The following DOCK7 variants were observed in gnomAD, a reference collection of about 807,000 sequenced individuals.
The protein encoded by DOCK7 is dedicator of cytokinesis 7, also known as dedicator of cytokinesis protein 7.
In DOCK7, 138 loss-of-function variants were observed where a neutral mutation model predicts 271.0. That is an observed-to-expected ratio of 0.51 (90% CI 0.44 to 0.59). The LOEUF (loss-of-function observed/expected upper bound fraction) is 0.59, where lower values mean the gene tolerates loss of function less well. Among genes scored for constraint, DOCK7 ranks in the 20% least tolerant of loss-of-function variants. The pLI is 0.00. For synonymous variants in DOCK7, 823 were observed against 876.1 expected, an observed-to-expected ratio of 0.94 and a Z score of 1.07; for missense variants, 2,066 against 2,592.4, an observed-to-expected ratio of 0.80 and a Z score of 4.41.
At chr1:62,613,351 G>C (rs1281601017) in intron 14 of DOCK7, among the ~76,000 whole-genome samples, 2 of 152,102 alleles carry the variant, frequency 1.3e-5, no homozygotes, top group Non-Finnish European at 2.9e-5. Flanking sequence ...CCCCTGTAGA[G>C]AATTTGAAAA....
chr1:62,666,407 C>T (rs1441171517), intron 1 of DOCK7, among the ~76,000 whole-genome samples: 1 of 152,076 alleles, frequency 6.6e-6, no homozygotes, highest in Non-Finnish European at 1.5e-5. Flanking sequence ...TTCTACATGA[C>T]ATTAATTTCC....
At chr1:62,645,856 T>C (rs1259950219) in intron 7 of DOCK7, among the ~76,000 whole-genome samples, 1 of 152,056 alleles carries the variant, frequency 6.6e-6, no homozygotes, top group Non-Finnish European at 1.5e-5. Context: ...TACAAAAAAA[T>C]AAACTACTCG....
chr1:62,583,270 G>A lies in DOCK7; in HGVS notation c.1801-16C>T. 1 of 1,605,048 alleles carries A rather than the reference G, an allele frequency of 6.2e-7. No homozygotes were observed. Among genetic ancestry groups the A allele is most frequent in the South Asian group, 1.1e-5 (1 of 90,728 alleles). Reference sequence around the variant, plus strand: ...CAAAGATTACCTGAAACAAATAACAGCATGTTGAAACTTTGTTGTAGTAAA... The same window carrying A: ...CAAAGATTACCTGAAACAAATAACAACATGTTGAAACTTTGTTGTAGTAAA... On this transcript the variant is annotated splice_polypyrimidine_tract_variant and intron_variant, in intron 15 of 49. Coordinates refer to ENST00000635253, the MANE Select transcript of DOCK7 (RefSeq NM_001367561.1).
intron 41 of DOCK7, among the ~76,000 whole-genome samples, chr1:62,491,559 C>A (rs1273779387): frequency 1.3e-5 from 2 of 152,194 alleles, no homozygotes; most frequent in Admixed American, 6.5e-5. Flanking sequence ...ACAGCATAGT[C>A]AGGTAAAGGA....
chr1:62,494,667 G>C (rs552633897), intron 39 of DOCK7, 200 bp from the exon 40 acceptor site: 20 of 383,130 alleles, frequency 5.2e-5, no homozygotes, highest in African/African-American at 3.8e-4. Flanking sequence ...CAGTTGGTGG[G>C]GGGGGCAGGA....
chr1:62,654,848 G>C (rs1557865809), intron 2 of DOCK7, among the ~76,000 whole-genome samples: 1 of 152,134 alleles, frequency 6.6e-6, no homozygotes, highest in Non-Finnish European at 1.5e-5. Flanking sequence ...GAAAAAGAGA[G>C]AGATTTGAAT....
intron 31 of DOCK7, among the ~76,000 whole-genome samples, chr1:62,521,999 AAAAT>A (rs1439650951): frequency 6.6e-6 from 1 of 152,036 alleles, no homozygotes; most frequent in Non-Finnish European, 1.5e-5. Flanking sequence ...AAATAAAATA[AAAAT>A]AAATAAATAC....
chr1:62,485,117 CAG>C, intron 43 of DOCK7: 1 of 977,874 alleles, frequency 1.0e-6, no homozygotes, highest in Non-Finnish European at 1.2e-6. Context: ...GTCTGAATTA[CAG>C]AGTGAGACCC....
chr1:62,560,846 T>C (rs1646299445), intron 19 of DOCK7, among the ~76,000 whole-genome samples: 1 of 152,224 alleles, frequency 6.6e-6, no homozygotes, highest in Non-Finnish European at 1.5e-5. Flanking sequence ...GTACTAATTT[T>C]ATCATACTTT....
intron 12 of DOCK7, among the ~76,000 whole-genome samples, chr1:62,620,585 CA>C (rs1418583601): frequency 1.3e-5 from 2 of 150,974 alleles, no homozygotes; most frequent in East Asian, 3.9e-4. Context: ...TATAGAAAAC[CA>C]ATACAAGTTA....
At chr1:62,533,914 A>T (rs1045858216) in intron 29 of DOCK7, among the ~76,000 whole-genome samples, 1 of 152,150 alleles carries the variant, frequency 6.6e-6, no homozygotes, top group Non-Finnish European at 1.5e-5. Context: ...ACAAAAAAAA[A>T]ATTTTAAGCC....
At chr1:62,669,970 C>T (rs1156819064) in intron 1 of DOCK7, among the ~76,000 whole-genome samples, 1 of 152,236 alleles carries the variant, frequency 6.6e-6, no homozygotes, top group Non-Finnish European at 1.5e-5. Context: ...GCTTGGTGGG[C>T]CCCGCACTCG....
intron 14 of DOCK7, chr1:62,604,079 T>G: frequency 6.2e-7 from 1 of 1,613,332 alleles, no homozygotes; most frequent in Non-Finnish European, 8.5e-7. Context: ...TATTGAATAT[T>G]CTTTTTACTT....
chr1:62,528,344 T>A, intron 30 of DOCK7, 39 bp from the exon 31 acceptor site: 1 of 1,545,658 alleles, frequency 6.5e-7, no homozygotes, highest in Non-Finnish European at 8.8e-7. Context: ...TAAAACTGTT[T>A]AGCTGAACTA....
chr1:62,492,933 G>T, intron 40 of DOCK7, 86 bp from the exon 41 acceptor site: 1 of 1,114,616 alleles, frequency 9.0e-7, no homozygotes, highest in Non-Finnish European at 1.3e-6. Context: ...AAGATGAACT[G>T]TAACTATCAG....
At chr1:62,483,363 A>AT (rs1455128896) in intron 43 of DOCK7, 1 of 150,614 alleles carries the variant, frequency 6.6e-6, no homozygotes, top group Non-Finnish European at 1.5e-5. Context: ...CAAAAGTAGC[A>AT]TAAGGGGCAG....
chr1:62,528,037 T>A (rs912647746), intron 31 of DOCK7, 114 bp downstream of exon 31: 20 of 1,126,654 alleles, frequency 1.8e-5, no homozygotes, highest in Non-Finnish European at 2.3e-5. Flanking sequence ...TTTTCATAAA[T>A]AAAACTGAGC....
chr1:62,562,096 CTT>C (rs1392921547), intron 18 of DOCK7, among the ~76,000 whole-genome samples: 1 of 151,630 alleles, frequency 6.6e-6, no homozygotes, highest in East Asian at 1.9e-4. Flanking sequence ...TTGTGAATCT[CTT>C]TTCATGTCAA....
intron 1 of DOCK7, among the ~76,000 whole-genome samples, chr1:62,678,454 C>G (rs555754491): frequency 6.6e-6 from 1 of 152,216 alleles, no homozygotes; most frequent in South Asian, 2.1e-4. Flanking sequence ...ATGCAAGAAC[C>G]TGACAGAGCA....
Sources: allele counts gnomAD v4.1 joint callset (sites outside exome capture counted in the v4.1 genomes callset), GRCh38; gene constraint gnomAD v4.1.1; transcripts MANE v1.5; gene names NCBI Gene and HGNC (gene_info 2026-07-23, HGNC 2026-07-21).